The following ARRDC5 variants were observed in gnomAD, a reference collection of about 807,000 sequenced individuals.
The protein encoded by ARRDC5 is arrestin domain containing 5.
In ARRDC5, 12 loss-of-function variants were observed where a neutral mutation model predicts 13.3. That is an observed-to-expected ratio of 0.90 (90% CI 0.58 to 1.46). The LOEUF (loss-of-function observed/expected upper bound fraction) is 1.46. Ranked by LOEUF, ARRDC5 falls within the 40% of genes most tolerant of loss-of-function variation. ARRDC5 has a pLI of 0.00. For missense variants in ARRDC5, 406 were observed against 418.7 expected, an observed-to-expected ratio of 0.97 and a Z score of 0.26; for synonymous variants, 181 against 173.4, an observed-to-expected ratio of 1.04 and a Z score of -0.34.
chr19:4,916,438 C>T, the ARRDC5 span, among the ~76,000 whole-genome samples: 8 of 152,258 alleles, frequency 5.3e-5, no homozygotes, highest in South Asian at 1.5e-3. Flanking sequence ...CTCCCTGTGC[C>T]CTCCTGAGAC....
chr19:4,913,252 C>CTTTTTT, the ARRDC5 span, among the ~76,000 whole-genome samples: 6 of 111,190 alleles, frequency 5.4e-5, no homozygotes, highest in Admixed American at 1.0e-4. Context: ...GTACATTGTG[C>CTTTTTT]TTTTTTTTTT....
In ARRDC5 at chr19:4,902,615, T is replaced by C; in HGVS notation, c.211A>G (p.Lys71Glu). The C allele has an allele frequency of 6.2e-7, 1 of 1,614,028 alleles. No individual in the cohort carries two copies. Among genetic ancestry groups the C allele is most frequent in the Non-Finnish European group, 8.5e-7 (1 of 1,179,892 alleles). Reference protein sequence around the residue: ...DYSRNVICNNKADYVHKTKTF... With the variant: ...DYSRNVICNNEADYVHKTKTF... ...TTTGTCTTATGCACGTAGTCTGCCT[T>C]GTTGTTGCAAATAACATTTCTGCTA... The change falls in exon 1 of 3, where the codon AAG becomes GAG. Residue 71 changes from lysine (K) to glutamate (E), a missense_variant. By Grantham distance (56) the Lys-to-Glu change is moderately conservative. Transcript: ENST00000650722.
intron 2 of ARRDC5, among the ~76,000 whole-genome samples, chr19:4,894,177 C>T (rs1283368934): frequency 1.3e-5 from 2 of 151,634 alleles, no homozygotes; most frequent in Non-Finnish European, 2.9e-5. Context: ...GAGATTGAGA[C>T]CATCCTGGCT....
At position 4,902,482 on chromosome 19, in the gene ARRDC5, C is replaced by T. The variant is rs1458164248; in HGVS notation, c.253+91G>A. On this transcript the variant is annotated intron_variant, in intron 1 of 2. Coordinates refer to ENST00000650722, the MANE Select transcript of ARRDC5 (RefSeq NM_001080523.3). Reference sequence around the variant, plus strand: ...AGGCCACTCCCTATTTCTGATAGCCCTAGAGTTTTGTTGATTGACTCTCGG... The same window carrying T: ...AGGCCACTCCCTATTTCTGATAGCCTTAGAGTTTTGTTGATTGACTCTCGG... The T allele has an allele frequency of 5.4e-6, 7 of 1,286,122 alleles. No individual in the cohort carries two copies. In the East Asian group the frequency reaches 1.6e-4, roughly 30 times the overall value. 79.7% of individuals were successfully genotyped at this position (1,286,122 alleles called of 1,614,324 possible). A position where few individuals can be genotyped will look rare whatever the true frequency, so the allele number is the denominator to read the frequency against.
Position 4,902,826 on chromosome 19 carries a change from G to T in ARRDC5, c.-1C>A. 6.2e-7 allele frequency: 1 copy of T among 1,613,814 alleles called. No homozygotes were observed. The highest frequency in any genetic ancestry group is 1.3e-5 in the African/African-American group (1 of 75,010). ...ATTCGATCGACTTCACCACAGACAT[G>T]GGGGGTTGGGGGGTAGAGAGACATT... On this transcript the variant is annotated 5_prime_UTR_variant, in exon 1 of 3. Coordinates refer to ENST00000650722, the MANE Select transcript of ARRDC5 (RefSeq NM_001080523.3).
At chr19:4,896,272 G>GT (rs2031706901) in intron 2 of ARRDC5, among the ~76,000 whole-genome samples, 3 of 99,696 alleles carry the variant, frequency 3.0e-5, no homozygotes. Flanking sequence ...CCGAGATCAT[G>GT]CCTCTGCACT....
At chr19:4,911,354 G>A in the ARRDC5 span, among the ~76,000 whole-genome samples, 2 of 152,166 alleles carry the variant, frequency 1.3e-5, no homozygotes, top group African/African-American at 4.8e-5. Flanking sequence ...GTGGCCGATG[G>A]AAGGCTGAGG....
chr19:4,896,346 ATAT>A (rs1490946219), intron 2 of ARRDC5, among the ~76,000 whole-genome samples: 904 of 72,048 alleles, frequency 0.013, 33 homozygotes, highest in Non-Finnish European at 0.017. Flanking sequence ...ATATATATAT[ATAT>A]TTTTTTTTTT....
At position 4,890,706 on chromosome 19, in the gene ARRDC5, A is replaced by T. The variant is rs1168331855; in HGVS notation, c.*340T>A. 3.5e-6 allele frequency: 1 copy of T among 282,588 alleles called. No homozygotes were observed. The highest frequency in any genetic ancestry group is 5.0e-5 in the Admixed American group (1 of 20,044). The allele number at this position is 282,588 out of a possible 1,614,324, so 17.5% of individuals were successfully genotyped here. On this transcript the variant is annotated 3_prime_UTR_variant, in exon 3 of 3. Transcript: ENST00000650722. Reference sequence around the variant, plus strand: ...CCGATCCCCTGCAGTTGTGACAGCCAATACAACCAGACATTAGCAGAGGGG... The same window carrying T: ...CCGATCCCCTGCAGTTGTGACAGCCTATACAACCAGACATTAGCAGAGGGG...
At chr19:4,909,752 G>C in the ARRDC5 span, 2 of 487,772 alleles carry the variant, frequency 4.1e-6, no homozygotes, top group Non-Finnish European at 7.2e-6. Context: ...CCGGGCGCAC[G>C]CATGTCCCGC....
intron 1 of ARRDC5, among the ~76,000 whole-genome samples, chr19:4,901,012 A>G (rs2031894097): frequency 6.8e-6 from 1 of 148,090 alleles, no homozygotes; most frequent in African/African-American, 2.5e-5. Context: ...AGTGAGATTC[A>G]GTCTCAAAAA....
Position 4,902,836 on chromosome 19 carries a change from G to A in ARRDC5, c.-11C>T. On this transcript the variant is annotated 5_prime_UTR_variant, in exon 1 of 3. Transcript: ENST00000650722. ...CTTCACCACAGACATGGGGGGTTGG[G>A]GGGTAGAGAGACATTCCTCTCTGTC... is the stretch of plus-strand genomic sequence containing the variant. 2 of 1,613,848 alleles carry A rather than the reference G, an allele frequency of 1.2e-6. No homozygotes were observed. Among genetic ancestry groups the A allele is most frequent in the South Asian group, 1.1e-5 (1 of 91,076 alleles).
intron 2 of ARRDC5, among the ~76,000 whole-genome samples, chr19:4,893,018 G>C (rs1438410807): frequency 6.9e-6 from 1 of 145,006 alleles, no homozygotes; most frequent in Non-Finnish European, 1.5e-5. Flanking sequence ...CGGGAGAATT[G>C]CTGGAATCTG....
intron 2 of ARRDC5, among the ~76,000 whole-genome samples, chr19:4,893,765 G>GAA: frequency 6.7e-6 from 1 of 149,786 alleles, no homozygotes; most frequent in Non-Finnish European, 1.5e-5. Context: ...AAGGAAGGCC[G>GAA]GGTGCGGTGG....
At chr19:4,909,903 T>G in the ARRDC5 span, 2 of 359,568 alleles carry the variant, frequency 5.6e-6, no homozygotes, top group Admixed American at 4.7e-5. Flanking sequence ...GGGGAGGGCC[T>G]GGCGAGCCGC....
the ARRDC5 span, chr19:4,910,985 G>C: frequency 4.3e-6 from 7 of 1,612,400 alleles, no homozygotes; most frequent in Non-Finnish European, 5.9e-6. Context: ...GAAGATCCAG[G>C]AGCTGTTCCA....
intron 2 of ARRDC5, among the ~76,000 whole-genome samples, chr19:4,894,778 A>G (rs1258053466): frequency 1.3e-5 from 2 of 151,626 alleles, no homozygotes; most frequent in Non-Finnish European, 2.9e-5. Flanking sequence ...GAAGAAAATC[A>G]TACTGCAGGA....
intron 2 of ARRDC5, among the ~76,000 whole-genome samples, chr19:4,896,345 TATA>T (rs1332443349): frequency 4.2e-4 from 28 of 66,328 alleles, no homozygotes; most frequent in African/African-American, 6.2e-4. Context: ...TATATATATA[TATA>T]TTTTTTTTTT....
upstream of ARRDC5, among the ~76,000 whole-genome samples, chr19:4,904,439 A>G (rs2032022050): frequency 6.6e-6 from 1 of 152,148 alleles, no homozygotes; most frequent in African/African-American, 2.4e-5. Flanking sequence ...TTGGCCTCCC[A>G]AAGTGCTGGG....
Sources: gnomAD v4.1 joint callset for allele counts (sites outside exome capture counted in the v4.1 genomes callset) on GRCh38, gnomAD v4.1.1 for gene constraint, MANE v1.5 for transcripts, NCBI Gene and HGNC (gene_info 2026-07-23, HGNC 2026-07-21) for gene names.